CNTN5: variants seen among roughly 807,000 people sequenced by gnomAD.
The protein encoded by CNTN5 is contactin-5.
CNTN5 carries 77 observed loss-of-function variants against 129.1 expected under a neutral mutation model. That is an observed-to-expected ratio of 0.60 (90% CI 0.50 to 0.72). The LOEUF is 0.72. Ranked by LOEUF, CNTN5 falls within the 30% of genes least tolerant of loss-of-function variation. The pLI, the probability that CNTN5 is intolerant of heterozygous loss-of-function variation, is 0.00. For synonymous variants in CNTN5, 509 were observed against 465.6 expected, an observed-to-expected ratio of 1.09 and a Z score of -1.20; for missense variants, 1,478 against 1,328.8, an observed-to-expected ratio of 1.11 and a Z score of -1.75.
intron 1 of CNTN5, among the ~76,000 whole-genome samples, chr11:99,071,525 C>T (rs973361203): frequency 6.6e-6 from 1 of 152,056 alleles, no homozygotes; most frequent in Admixed American, 6.6e-5. Flanking sequence ...TTTAAAAAGA[C>T]TTTGCAAATT....
At chr11:100,061,092 C>A in intron 9 of CNTN5, 120 bp from the exon 10 acceptor site, 1 of 720,854 alleles carries the variant, frequency 1.4e-6, no homozygotes, top group South Asian at 3.2e-5. Context: ...AGCACATGGT[C>A]CTTAATTGTG....
chr11:99,457,429 A>C (rs1374857871), intron 2 of CNTN5, among the ~76,000 whole-genome samples: 1 of 151,904 alleles, frequency 6.6e-6, no homozygotes, highest in Middle Eastern at 3.2e-3. Context: ...TGATCAGAGC[A>C]GTTTTAAAAA....
chr11:99,934,376 T>C (rs1405177458), intron 7 of CNTN5, among the ~76,000 whole-genome samples: 1 of 152,200 alleles, frequency 6.6e-6, no homozygotes, highest in African/African-American at 2.4e-5. Flanking sequence ...TTAATACACA[T>C]ATTTTTGAGT....
chr11:99,950,462 C>T (rs1178445597), intron 7 of CNTN5, among the ~76,000 whole-genome samples: 1 of 152,116 alleles, frequency 6.6e-6, no homozygotes. Flanking sequence ...GCCTGGGTGA[C>T]AGAGCGAGAC....
At chr11:99,112,771 A>G (rs916903268) in intron 1 of CNTN5, among the ~76,000 whole-genome samples, 17 of 152,094 alleles carry the variant, frequency 1.1e-4, no homozygotes, top group African/African-American at 4.1e-4. Flanking sequence ...GTAAAAAATA[A>G]AAGTAACTTA....
chr11:99,318,696 C>G (rs1865445300), intron 1 of CNTN5, among the ~76,000 whole-genome samples: 1 of 152,048 alleles, frequency 6.6e-6, no homozygotes, highest in Non-Finnish European at 1.5e-5. Context: ...CCATGAAGAA[C>G]CAGCTGTCAG....
intron 2 of CNTN5, among the ~76,000 whole-genome samples, chr11:99,370,704 G>A (rs1051797461): frequency 2.6e-5 from 4 of 152,108 alleles, no homozygotes; most frequent in Admixed American, 6.5e-5. Context: ...CATGAGTGAG[G>A]GTGAAGGATA....
chr11:99,950,875 G>A (rs1282975547), intron 7 of CNTN5, among the ~76,000 whole-genome samples: 1 of 151,898 alleles, frequency 6.6e-6, no homozygotes, highest in Non-Finnish European at 1.5e-5. Context: ...ATAAAATATA[G>A]GCTTAGAGTG....
chr11:100,172,578 A>C (rs1186248145), intron 13 of CNTN5, among the ~76,000 whole-genome samples: 2 of 152,020 alleles, frequency 1.3e-5, no homozygotes, highest in African/African-American at 2.4e-5. Context: ...GTATCAGCAA[A>C]ACAATAAAAA....
At chr11:99,393,381 T>A (rs1379116243) in intron 2 of CNTN5, among the ~76,000 whole-genome samples, 3 of 151,804 alleles carry the variant, frequency 2.0e-5, no homozygotes, top group Admixed American at 2.0e-4. Context: ...AGAGGTAGTT[T>A]GCAAAGGCAA....
chr11:99,966,681 C>A (rs1951102950), intron 8 of CNTN5, among the ~76,000 whole-genome samples: 1 of 152,180 alleles, frequency 6.6e-6, no homozygotes, highest in Non-Finnish European at 1.5e-5. Context: ...GTTGAACTAG[C>A]ACACAAGAAG....
intron 3 of CNTN5, among the ~76,000 whole-genome samples, chr11:99,720,332 CT>C (rs1943130121): frequency 6.6e-6 from 1 of 152,026 alleles, no homozygotes; most frequent in South Asian, 2.1e-4. Context: ...AGGCTTCCCC[CT>C]AGGATGCAAA....
intron 3 of CNTN5, among the ~76,000 whole-genome samples, chr11:99,801,765 A>G (rs1031817348): frequency 6.6e-6 from 1 of 152,224 alleles, no homozygotes; most frequent in Admixed American, 6.5e-5. Context: ...GTAAGTTTCA[A>G]TTCAAGAAGC....
chr11:99,443,336 T>C (rs1375239649), intron 2 of CNTN5, among the ~76,000 whole-genome samples: 1 of 152,230 alleles, frequency 6.6e-6, no homozygotes, highest in East Asian at 1.9e-4. Flanking sequence ...AATTGTGAAT[T>C]ATTCAGAAGG....
intron 2 of CNTN5, among the ~76,000 whole-genome samples, chr11:99,465,968 G>A (rs1281569485): frequency 7.2e-6 from 1 of 139,758 alleles, no homozygotes; most frequent in Non-Finnish European, 1.5e-5. Context: ...TGCAAGCTCC[G>A]CCTCCTGGGT....
intron 6 of CNTN5, among the ~76,000 whole-genome samples, chr11:99,858,128 G>A (rs892353958): frequency 4.6e-5 from 7 of 152,010 alleles, no homozygotes; most frequent in Non-Finnish European, 1.0e-4. Context: ...AAGTGTTTAT[G>A]TCACGCCTCT....
chr11:100,096,820 A>T (rs997533253), intron 13 of CNTN5, among the ~76,000 whole-genome samples: 1 of 152,204 alleles, frequency 6.6e-6, no homozygotes, highest in Non-Finnish European at 1.5e-5. Flanking sequence ...CCACATGGAG[A>T]AAGAAAGGAA....
At chr11:100,048,088 G>A (rs768418056) in intron 9 of CNTN5, among the ~76,000 whole-genome samples, 4 of 152,026 alleles carry the variant, frequency 2.6e-5, no homozygotes, top group African/African-American at 4.8e-5. Flanking sequence ...TCGAGATCGC[G>A]CCACTGTACT....
chr11:99,146,456 T>G (rs1859789912), intron 1 of CNTN5, among the ~76,000 whole-genome samples: 1 of 152,052 alleles, frequency 6.6e-6, no homozygotes. Context: ...TACCTTGCAA[T>G]AAACAAAATA....
Sources: gnomAD v4.1 joint callset for allele counts (sites outside exome capture counted in the v4.1 genomes callset) on GRCh38, gnomAD v4.1.1 for gene constraint, MANE v1.5 for transcripts, NCBI Gene and HGNC (gene_info 2026-07-23, HGNC 2026-07-21) for gene names.